The following TMEM132A variants were observed in gnomAD, a reference collection of about 807,000 sequenced individuals.
The protein encoded by TMEM132A is GRP78-binding protein.
A neutral mutation model predicts 69.9 loss-of-function variants in TMEM132A; 48 were observed. That is an observed-to-expected ratio of 0.69 (90% CI 0.55 to 0.87). TMEM132A has a LOEUF of 0.87. TMEM132A is among the 40% of genes least tolerant of loss of function. The pLI, the probability that TMEM132A is intolerant of heterozygous loss-of-function variation, is 0.00. For missense variants in TMEM132A, 1,287 were observed against 1,407.2 expected (o/e 0.91, Z 1.37); for synonymous variants, 577 against 613.7 (o/e 0.94, Z 0.88).
intron 3 of TMEM132A, 68 bp downstream of exon 3, chr11:60,927,927 C>A (rs1459505476): frequency 1.6e-5 from 22 of 1,402,202 alleles, no homozygotes; most frequent in Non-Finnish European, 2.0e-5. Context: ...GGGCCCGCGG[C>A]AGAGAGGAAA....
chr11:60,929,990 C>T (rs1470917950), intron 4 of TMEM132A, among the ~76,000 whole-genome samples: 2 of 152,080 alleles, frequency 1.3e-5, no homozygotes, highest in South Asian at 2.1e-4. Flanking sequence ...GTTCAAAGTG[C>T]GGTGGGAGCT....
chr11:60,924,577 C>T lies in TMEM132A; in HGVS notation c.-57C>T, dbSNP rs559735404. On this transcript the variant is annotated 5_prime_UTR_variant, in exon 1 of 11. Transcript: ENST00000453848. Reference sequence around the variant, plus strand: ...GGCGCGGAGCGGGTGCGGGAGATGCCGTGCGGGACTGGGGCCACCTGAGCC... The same window carrying T: ...GGCGCGGAGCGGGTGCGGGAGATGCTGTGCGGGACTGGGGCCACCTGAGCC... The T allele has an allele frequency of 1.1e-5, 15 of 1,406,170 alleles. No homozygotes were observed. In the African/African-American group the frequency reaches 1.8e-4, roughly 17 times the overall value. 87.1% of individuals were successfully genotyped at this position (1,406,170 alleles called of 1,614,324 possible). A position where few individuals can be genotyped will look rare whatever the true frequency, so the allele number is the denominator to read the frequency against.
Position 60,934,494 on chromosome 11 carries a change from G to A in TMEM132A, c.1566G>A (p.Ala522=), listed in dbSNP as rs1230697033. ...CGGCCTCCCCGCCCTGCAGGCCTGC[G>A]GAACCCGCTGCAGAGGCGTCGGATG... is the stretch of plus-strand genomic sequence containing the variant. The part of the protein sequence containing the change: ...WRVPGPAEGP[A]EPAAEASDEA... Residue 522 remains alanine (A), a synonymous_variant, in exon 9 of 11, where the codon GCG becomes GCA. Transcript: ENST00000453848. 3 of 1,389,928 alleles carry A rather than the reference G, an allele frequency of 2.2e-6. No individual in the cohort carries two copies. Among genetic ancestry groups the A allele is most frequent in the Middle Eastern group, 2.6e-4 (1 of 3,812 alleles). 86.1% of individuals were successfully genotyped at this position (1,389,928 alleles called of 1,614,324 possible).
Position 60,936,748 on chromosome 11 carries a change from C to T in TMEM132A, c.2913C>T (p.Ala971=), listed in dbSNP as rs1235338353. The T allele has an allele frequency of 3.7e-6, 6 of 1,603,724 alleles. No homozygotes were observed. Among genetic ancestry groups the T allele is most frequent in the Non-Finnish European group, 5.1e-6 (6 of 1,175,832 alleles). ...TAGAGTTTGTGACATTTGCGCCAGC[C>T]CCTCCAGCCCAGTCACCTGAGGAGC... ...KRVEFVTFAP[A]PPAQSPEEPV... is the part of the protein sequence containing the mutation. The change falls in exon 11 of 11, where the codon GCC becomes GCT. Residue 971 remains alanine, a synonymous_variant. Coordinates refer to ENST00000453848, the MANE Select transcript of TMEM132A (RefSeq NM_178031.3).
In TMEM132A at chr11:60,935,356, C is replaced by A; in HGVS notation, c.1941C>A (p.Ile647=). The change falls in exon 10 of 11, where the codon ATC becomes ATA. Residue 647 remains isoleucine, a synonymous_variant. Coordinates refer to ENST00000453848, the MANE Select transcript of TMEM132A (RefSeq NM_178031.3). This position sits in a 1 kb window ranked among gnomAD's most constrained non-coding sequence, Gnocchi z 5.0. The stretch of plus-strand genomic sequence containing the variant: ...TGAGGGTGCAGCCAGTGATGGGCAT[C>A]TCGCTGACCTTGAGCCGGGGCACTG... ...LELRVQPVMG[I]SLTLSRGTAH... 1 of 1,612,990 alleles carries A rather than the reference C, an allele frequency of 6.2e-7. No homozygotes were observed. The highest frequency in any genetic ancestry group is 8.5e-7 in the Non-Finnish European group (1 of 1,179,704).
Position 60,936,827 on chromosome 11 carries a change from C to A in TMEM132A, c.2992C>A (p.Arg998Ser). 1 of 1,612,380 alleles carries A rather than the reference C, an allele frequency of 6.2e-7. No homozygotes were observed. Among genetic ancestry groups the A allele is most frequent in the Non-Finnish European group, 8.5e-7 (1 of 1,179,224 alleles). ...SILVAGEEDI[R>S]WVCEDMGLKD... Reference sequence around the variant, plus strand: ...CCTTGTGGCAGGCGAGGAGGACATCCGCTGGGTGTGTGAGGACATGGGGCT... The same window carrying A: ...CCTTGTGGCAGGCGAGGAGGACATCAGCTGGGTGTGTGAGGACATGGGGCT... The change falls in exon 11 of 11, where the codon CGC (arginine) becomes AGC (serine). Residue 998 changes from arginine to serine, a missense_variant. Arg to Ser is a moderately radical substitution (Grantham distance 110). Coordinates refer to ENST00000453848, the MANE Select transcript of TMEM132A (RefSeq NM_178031.3).
In TMEM132A at chr11:60,934,692, G is replaced by A. The variant is rs1856551624; in HGVS notation, c.1764G>A (p.Leu588=). 1.9e-6 allele frequency: 3 copies of A among 1,605,788 alleles called. No individual in the cohort carries two copies. Among genetic ancestry groups the A allele is most frequent in the African/African-American group, 1.3e-5 (1 of 74,914 alleles). ...TCGTGGCGCCACACGCCCGCGTGCT[G>A]GACTCGCGTGTAGCCTCTCTGGAGG... ...SHLVAPHARV[L]DSRVASLEGG... The change falls in exon 9 of 11, where the codon CTG becomes CTA. Residue 588 remains leucine (L), a synonymous_variant. Transcript: ENST00000453848.
At chr11:60,932,345 A>C in intron 7 of TMEM132A, 1 of 496,830 alleles carries the variant, frequency 2.0e-6, no homozygotes, top group Non-Finnish European at 3.4e-6. Flanking sequence ...AGACACTTTC[A>C]CGCTCATTAT....
Position 60,929,041 on chromosome 11 carries a change from T to C in TMEM132A, c.866+81T>C, listed in dbSNP as rs181581298. On this transcript the variant is annotated intron_variant, in intron 4 of 10. Coordinates refer to ENST00000453848, the MANE Select transcript of TMEM132A (RefSeq NM_178031.3). The stretch of plus-strand genomic sequence containing the variant: ...GGACAGGTACCTGCTCCTCCTGGGG[T>C]CCTTGCTGGAATCCTTGACCTCTGC... 5.4e-5 allele frequency: 78 copies of C among 1,441,314 alleles called. No individual in the cohort carries two copies. The African/African-American group carries it at 7.5e-4, about 14-fold the overall frequency. The allele number at this position is 1,441,314 out of a possible 1,614,324, so 89.3% of individuals were successfully genotyped here. A position where few individuals can be genotyped will look rare whatever the true frequency, so the allele number is the denominator to read the frequency against.
chr11:60,925,724 C>A (rs146775393), intron 1 of TMEM132A: 1 of 152,366 alleles, frequency 6.6e-6, no homozygotes, highest in South Asian at 2.1e-4. Flanking sequence ...TCCCGAGGGA[C>A]GCCATGGGAG....
chr11:60,927,565 C>T, intron 2 of TMEM132A, 76 bp from the exon 3 acceptor site: 2 of 1,465,220 alleles, frequency 1.4e-6, no homozygotes, highest in Non-Finnish European at 1.9e-6. Flanking sequence ...TCTCTTCTGC[C>T]AAGCTGGGAT....
intron 9 of TMEM132A, 118 bp downstream of exon 9, chr11:60,934,882 CG>C (rs1856555357): frequency 9.0e-7 from 1 of 1,106,054 alleles, no homozygotes; most frequent in Non-Finnish European, 1.3e-6. Context: ...GGGAGTTGTG[CG>C]GTCTAGGTCT....
Position 60,927,383 on chromosome 11 carries a change from C to A in TMEM132A, c.280C>A (p.Leu94Ile). The A allele has an allele frequency of 6.2e-7, 1 of 1,613,384 alleles. No individual in the cohort carries two copies. The highest frequency in any genetic ancestry group is 8.5e-7 in the Non-Finnish European group (1 of 1,179,880). Residue 94 changes from leucine (L) to isoleucine (I), a missense_variant, in exon 2 of 11, where the codon CTC (leucine) becomes ATC (isoleucine). Leu to Ile is a conservative substitution (Grantham distance 5, BLOSUM62 2). Transcript: ENST00000453848. ...LQPWPRAQPL[L>I]RASYPPFATQ... ...GCCCTGGCCCAGGGCCCAGCCACTT[C>A]TCCGGGCCTCCTACCCACCTTTTGC...
In TMEM132A at chr11:60,928,879, A is replaced by G; in HGVS notation, c.785A>G (p.Asp262Gly). 1 of 1,612,810 alleles carries G rather than the reference A, an allele frequency of 6.2e-7. No homozygotes were observed. Among genetic ancestry groups the G allele is most frequent in the South Asian group, 1.1e-5 (1 of 91,084 alleles). ...GAGGCTGTGACTCTGCGGGTGCCTG[A>G]CATGCCAGTGCGGCCCGGCCAGCTC... ...LDEAVTLRVP[D>G]MPVRPGQLFS... Residue 262 changes from aspartate (D) to glycine (G), a missense_variant, in exon 4 of 11, where the codon GAC becomes GGC. Transcript: ENST00000453848.
At position 60,936,486 on chromosome 11, in the gene TMEM132A, C is replaced by A; in HGVS notation, c.2651C>A (p.Ala884Asp). ...RYQRKEPPDS[A>D]TDPTSPQPHN... ...CAGCGCAAAGAACCTCCCGACAGTG[C>A]CACTGACCCCACCTCCCCCCAGCCC... Residue 884 changes from alanine (A) to aspartate (D), a missense_variant, in exon 11 of 11, where the codon GCC (alanine) becomes GAC (aspartate). By Grantham distance (126) the Ala-to-Asp change is moderately radical. Coordinates refer to ENST00000453848, the MANE Select transcript of TMEM132A (RefSeq NM_178031.3). 1 of 1,614,108 alleles carries A rather than the reference C, an allele frequency of 6.2e-7. No individual in the cohort carries two copies. Among genetic ancestry groups the A allele is most frequent in the Non-Finnish European group, 8.5e-7 (1 of 1,180,010 alleles).
chr11:60,929,308 C>T lies in TMEM132A; in HGVS notation c.866+348C>T, dbSNP rs80348625. Among the ~76,000 whole-genome samples the T allele has an allele frequency of 6.6e-5, 10 of 152,362 alleles. No individual in the cohort carries two copies. The East Asian group carries it at 1.7e-3, about 26-fold the overall frequency. ...AGACTGCAGTACCTAAGTGTGAGCT[C>T]TTGCTCCAGTGCTCCAGAGAGGGAT... On this transcript the variant is annotated intron_variant, in intron 4 of 10. Transcript: ENST00000453848.
chr11:60,928,777 G>T lies in TMEM132A; in HGVS notation c.683G>T (p.Gly228Val), dbSNP rs547896384. The T allele has an allele frequency of 6.2e-6, 10 of 1,609,878 alleles. No homozygotes were observed. The South Asian group carries it at 1.1e-4, about 18-fold the overall frequency. ...GCGSGEENDPGEQALPVGGVE... is the reference protein window; with the variant it reads ...GCGSGEENDPVEQALPVGGVE... ...GGCTCCGGCGAGGAGAACGACCCTG[G>T]GGAGCAGGCCCTCCCAGTGGGGGGT... Residue 228 changes from glycine (G) to valine (V), a missense_variant, in exon 4 of 11, where the codon GGG becomes GTG. By Grantham distance (109) the Gly-to-Val change is moderately radical. Coordinates refer to ENST00000453848, the MANE Select transcript of TMEM132A (RefSeq NM_178031.3).
intron 9 of TMEM132A, among the ~76,000 whole-genome samples, chr11:60,934,992 C>T (rs146910127): frequency 1.4e-3 from 211 of 152,168 alleles, no homozygotes; most frequent in Middle Eastern, 3.4e-3. Context: ...GTGTGGGGAC[C>T]GGGTCTTGAG....
At chr11:60,931,089 C>T (rs1313802628) in intron 5 of TMEM132A, among the ~76,000 whole-genome samples, 1 of 152,156 alleles carries the variant, frequency 6.6e-6, no homozygotes, top group East Asian at 1.9e-4. Flanking sequence ...ACTCAGTAGC[C>T]CCAGTTCGAA....
Sources: allele counts gnomAD v4.1 joint callset (sites outside exome capture counted in the v4.1 genomes callset), GRCh38; gene constraint gnomAD v4.1.1; non-coding constraint Gnocchi (gnomAD v3.1); transcripts MANE v1.5; gene names NCBI Gene and HGNC (gene_info 2026-07-23, HGNC 2026-07-21).